The following EMILIN2 variants were observed in gnomAD, a reference collection of about 807,000 sequenced individuals.
EMILIN2 encodes the protein EMILIN-2.
EMILIN2 carries 71 observed loss-of-function variants against 87.1 expected under a neutral mutation model. The ratio of observed to expected loss-of-function variants is 0.82; its 90% CI spans 0.67 to 0.99. The LOEUF (loss-of-function observed/expected upper bound fraction) is 0.99, where lower values mean the gene tolerates loss of function less well. EMILIN2 is among the 50% of genes least tolerant of loss of function. The pLI is 0.00. For synonymous variants in EMILIN2, 581 were observed against 563.4 expected (o/e 1.03, Z -0.44); for missense variants, 1,407 against 1,371.8 (o/e 1.03, Z -0.40).
At chr18:2,863,875 A>C (rs2076673375) in intron 2 of EMILIN2, among the ~76,000 whole-genome samples, 1 of 152,142 alleles carries the variant, frequency 6.6e-6, no homozygotes, top group Non-Finnish European at 1.5e-5. Context: ...GTAGGTCTCT[A>C]AGGACTTGCT....
intron 2 of EMILIN2, among the ~76,000 whole-genome samples, chr18:2,866,503 G>A (rs646186): frequency 0.7 from 106,449 of 152,160 alleles, 38,209 homozygotes; most frequent in African/African-American, 0.86. Context: ...TGGTGTATAC[G>A]CTTTTGGTGT....
At chr18:2,858,432 T>A (rs1477982754) in intron 2 of EMILIN2, among the ~76,000 whole-genome samples, 1 of 148,320 alleles carries the variant, frequency 6.7e-6, no homozygotes, top group Admixed American at 6.8e-5. Flanking sequence ...ACTCCTGAGT[T>A]ACTTCATTTA....
Position 2,891,047 on chromosome 18 carries a change from C to T in EMILIN2, c.920C>T (p.Thr307Ile). ...LQEAAQGPTVTMTTNELYQAY... is the reference protein window; with the variant it reads ...LQEAAQGPTVIMTTNELYQAY... The stretch of plus-strand genomic sequence containing the variant: ...GAAGCAGCTCAGGGCCCGACGGTGA[C>T]CATGACAACCAACGAACTCTACCAA... Residue 307 changes from threonine to isoleucine, a missense_variant, in exon 4 of 8, where the codon ACC (threonine) becomes ATC (isoleucine). By Grantham distance (89) the Thr-to-Ile change is moderately conservative (BLOSUM62 -1). Transcript: ENST00000254528. This position sits in a 1 kb window ranked among gnomAD's most constrained non-coding sequence, Gnocchi z 4.6. 6.2e-7 allele frequency: 1 copy of T among 1,614,184 alleles called. No homozygotes were observed. The highest frequency in any genetic ancestry group is 8.5e-7 in the Non-Finnish European group (1 of 1,180,036).
In EMILIN2 at chr18:2,851,238, A is replaced by C. The variant is rs117482831; in HGVS notation, c.257+3307A>C. On this transcript the variant is annotated intron_variant, in intron 2 of 7. Coordinates refer to ENST00000254528, the MANE Select transcript of EMILIN2 (RefSeq NM_032048.3). Reference sequence around the variant, plus strand: ...GGATCACTTGAGCCCAAGAGTTTGAAATTAGCCTGGGCAACATAGTGTGAC... The same window carrying C: ...GGATCACTTGAGCCCAAGAGTTTGACATTAGCCTGGGCAACATAGTGTGAC... Among the ~76,000 whole-genome samples the C allele has an allele frequency of 1.4e-3, 217 of 151,762 alleles. 1 individual carries two copies. The highest frequency in any genetic ancestry group is 9.3e-3 in the Admixed American group (141 of 15,226).
Position 2,890,849 on chromosome 18 carries a change from G to C in EMILIN2, c.722G>C (p.Gly241Ala). 1 of 1,613,898 alleles carries C rather than the reference G, an allele frequency of 6.2e-7. No homozygotes were observed. Among genetic ancestry groups the C allele is most frequent in the Non-Finnish European group, 8.5e-7 (1 of 1,180,028 alleles). The change falls in exon 4 of 8, where the codon GGA becomes GCA. Residue 241 changes from glycine to alanine, a missense_variant. Physicochemically the swap from Gly to Ala is moderately conservative, Grantham distance 60. Transcript: ENST00000254528. The surrounding 1 kb of genome is among the most constrained non-coding windows in gnomAD (Gnocchi z 4.7). The stretch of plus-strand genomic sequence containing the variant: ...CCCAAGCCTGACACCACTGTTAGTG[G>C]AGACACAGAAACGGGCCAGAGTCCT... ...QHPKPDTTVSGDTETGQSPGV... is the reference protein window; with the variant it reads ...QHPKPDTTVSADTETGQSPGV...
chr18:2,888,730 A>AAT (rs1176869318), intron 3 of EMILIN2, among the ~76,000 whole-genome samples: 38 of 149,096 alleles, frequency 2.5e-4, no homozygotes, highest in Non-Finnish European at 5.2e-4. Flanking sequence ...AAAAAAAAAA[A>AAT]AGAGAGAGAG....
chr18:2,860,248 T>A (rs1015140075), intron 2 of EMILIN2, among the ~76,000 whole-genome samples: 1 of 152,154 alleles, frequency 6.6e-6, no homozygotes, highest in South Asian at 2.1e-4. Flanking sequence ...TTCCTTTTTT[T>A]TAATATACTT....
intron 5 of EMILIN2, among the ~76,000 whole-genome samples, chr18:2,908,419 A>G (rs909648630): frequency 2.6e-5 from 4 of 151,992 alleles, no homozygotes; most frequent in East Asian, 1.9e-4. Flanking sequence ...ATCCATGCAC[A>G]TATCTGTCCA....
At chr18:2,875,370 G>A (rs954027369) in intron 2 of EMILIN2, among the ~76,000 whole-genome samples, 2 of 152,232 alleles carry the variant, frequency 1.3e-5, no homozygotes, top group African/African-American at 2.4e-5. Flanking sequence ...GGGAGCTGAT[G>A]AGGGAGGGAT....
At position 2,858,549 on chromosome 18, in the gene EMILIN2, A is replaced by G. The variant is rs377271304; in HGVS notation, c.257+10618A>G. Among the ~76,000 whole-genome samples the G allele has an allele frequency of 5.3e-3, 234 of 44,160 alleles. 12 individuals are homozygous for G. Among genetic ancestry groups the G allele is most frequent in the African/African-American group, 6.2e-3 (42 of 6,722 alleles). The allele number at this position is 44,160 out of a possible 152,430, so 29.0% of individuals were successfully genotyped here. On this transcript the variant is annotated intron_variant, in intron 2 of 7. Coordinates refer to ENST00000254528, the MANE Select transcript of EMILIN2 (RefSeq NM_032048.3). ...TATATATATATATATATATATATATATATATATATATATATATATATGTGT... is the reference window on the plus strand; with the variant it reads ...TATATATATATATATATATATATATGTATATATATATATATATATATGTGT...
At chr18:2,904,829 G>C (rs1353877792) in intron 4 of EMILIN2, among the ~76,000 whole-genome samples, 1 of 152,172 alleles carries the variant, frequency 6.6e-6, no homozygotes, top group African/African-American at 2.4e-5. Flanking sequence ...ACTAGATAGA[G>C]TTTCACGACT....
intron 7 of EMILIN2, among the ~76,000 whole-genome samples, chr18:2,910,708 G>T (rs1254044979): frequency 6.6e-6 from 1 of 152,168 alleles, no homozygotes; most frequent in Admixed American, 6.5e-5. Context: ...AGGGGGACTT[G>T]GTTTCCTTCT....
Position 2,892,385 on chromosome 18 carries a change from G to A in EMILIN2, c.2258G>A (p.Arg753Lys). 1 of 1,614,132 alleles carries A rather than the reference G, an allele frequency of 6.2e-7. No homozygotes were observed. Among genetic ancestry groups the A allele is most frequent in the Non-Finnish European group, 8.5e-7 (1 of 1,180,036 alleles). Residue 753 changes from arginine (R) to lysine (K), a missense_variant, in exon 4 of 8, where the codon AGA (arginine) becomes AAA (lysine). Physicochemically the swap from Arg to Lys is conservative, Grantham distance 26 (BLOSUM62 2). Coordinates refer to ENST00000254528, the MANE Select transcript of EMILIN2 (RefSeq NM_032048.3). ...QMNGTLRSHS[R>K]DISGLKNSVQ... is the part of the protein sequence containing the mutation. ...AACGGAACGCTCAGGTCGCATTCCAGAGACATTTCTGGCCTGAAGAATTCA... is the reference window on the plus strand; with the variant it reads ...AACGGAACGCTCAGGTCGCATTCCAAAGACATTTCTGGCCTGAAGAATTCA...
Position 2,906,802 on chromosome 18 carries a change from G to A in EMILIN2, c.2379G>A (p.Pro793=). The part of the protein sequence containing the change: ...QPSAKAPSPP[P]PAEAPKEPLQ... ...CGGCAGAGGCGCCCTCGCCCCCGCC[G>A]CCCGCAGAGGCCCCGAAGGAGCCGC... The change falls in exon 5 of 8, where the codon CCG becomes CCA. Residue 793 remains proline, a synonymous_variant. Transcript: ENST00000254528. 2.3e-6 allele frequency: 3 copies of A among 1,292,352 alleles called. No homozygotes were observed. Among genetic ancestry groups the A allele is most frequent in the Non-Finnish European group, 2.9e-6 (3 of 1,025,826 alleles). The allele number at this position is 1,292,352 out of a possible 1,614,324, so 80.1% of individuals were successfully genotyped here. A position where few individuals can be genotyped will look rare whatever the true frequency, so the allele number is the denominator to read the frequency against.
upstream of EMILIN2, among the ~76,000 whole-genome samples, chr18:2,846,584 G>C (rs1045877728): frequency 1.3e-5 from 2 of 152,228 alleles, no homozygotes; most frequent in African/African-American, 2.4e-5. The surrounding 1 kb of genome is among the most constrained non-coding windows in gnomAD (Gnocchi z 5.3). Flanking sequence ...TGTCTTGCCC[G>C]AGGAGGAAAT....
intron 2 of EMILIN2, among the ~76,000 whole-genome samples, chr18:2,868,368 A>G (rs1200399814): frequency 2.6e-5 from 4 of 152,098 alleles, no homozygotes; most frequent in African/African-American, 9.7e-5. Context: ...GCGGCCACGC[A>G]GAGACACTCC....
chr18:2,867,826 C>T (rs569190237), intron 2 of EMILIN2, among the ~76,000 whole-genome samples: 96 of 152,382 alleles, frequency 6.3e-4, no homozygotes, highest in African/African-American at 2.1e-3. Context: ...TCCACAAAAC[C>T]GCCATTGTCA....
intron 4 of EMILIN2, among the ~76,000 whole-genome samples, chr18:2,898,545 C>G (rs2076874020): frequency 6.6e-6 from 1 of 152,328 alleles, no homozygotes; most frequent in Admixed American, 6.5e-5. Context: ...CAAGTAGAGA[C>G]AGATGTCTCT....
intron 2 of EMILIN2, among the ~76,000 whole-genome samples, chr18:2,860,622 TA>T (rs1164415839): frequency 1.3e-5 from 2 of 152,258 alleles, no homozygotes; most frequent in African/African-American, 4.8e-5. Flanking sequence ...CACATTTTCT[TA>T]ATCCAGTCTA....
Sources: gnomAD v4.1 joint callset for allele counts (sites outside exome capture counted in the v4.1 genomes callset) on GRCh38, gnomAD v4.1.1 for gene constraint, Gnocchi (gnomAD v3.1) non-coding constraint, MANE v1.5 for transcripts, NCBI Gene and HGNC (gene_info 2026-07-23, HGNC 2026-07-21) for gene names.